Variants in CCSER1 observed in about 807,000 individuals in gnomAD.
CCSER1 encodes the protein coiled-coil serine rich protein 1, also known as serine-rich coiled-coil domain-containing protein 1.
In CCSER1, 41 loss-of-function variants were observed where a neutral mutation model predicts 82.0. That is an observed-to-expected ratio of 0.50 (90% CI 0.39 to 0.65). The LOEUF (loss-of-function observed/expected upper bound fraction) is 0.65, where lower values mean the gene tolerates loss of function less well. CCSER1 is among the 30% of genes least tolerant of loss of function. CCSER1 has a pLI of 0.00. For synonymous variants in CCSER1, 414 were observed against 383.9 expected, an observed-to-expected ratio of 1.08 and a Z score of -0.92; for missense variants, 1,119 against 1,064.2, an observed-to-expected ratio of 1.05 and a Z score of -0.72.
At chr4:91,523,134 T>A (rs987030522) in intron 10 of CCSER1, among the ~76,000 whole-genome samples, 1 of 151,588 alleles carries the variant, frequency 6.6e-6, no homozygotes, top group Non-Finnish European at 1.5e-5. Flanking sequence ...GAGATAATAA[T>A]GTGGTTTTGT....
chr4:90,724,763 A>G (rs1743327051), intron 7 of CCSER1: 2 of 291,880 alleles, frequency 6.9e-6, no homozygotes, highest in South Asian at 6.2e-5. Flanking sequence ...AGACGTGCAC[A>G]TTTTAAGATT....
At chr4:91,212,606 C>A (rs1163915301) in intron 10 of CCSER1, among the ~76,000 whole-genome samples, 1 of 152,030 alleles carries the variant, frequency 6.6e-6, no homozygotes, top group Non-Finnish European at 1.5e-5. Context: ...CATTCCAGTT[C>A]TAACTTCTAA....
chr4:90,634,537 G>C (rs1434587244), intron 6 of CCSER1, among the ~76,000 whole-genome samples: 3 of 151,556 alleles, frequency 2.0e-5, no homozygotes, highest in Non-Finnish European at 3.0e-5. Context: ...TTTTTAAAGA[G>C]TTTATTTTTA....
intron 10 of CCSER1, among the ~76,000 whole-genome samples, chr4:91,436,314 C>T (rs1305776231): frequency 6.6e-6 from 1 of 152,152 alleles, no homozygotes; most frequent in Admixed American, 6.5e-5. Context: ...CAGAGTACTA[C>T]ATGGCATATA....
chr4:91,123,045 G>A (rs1727223422), intron 10 of CCSER1, among the ~76,000 whole-genome samples: 1 of 151,664 alleles, frequency 6.6e-6, no homozygotes, highest in Admixed American at 6.6e-5. Context: ...GGAACAGTGG[G>A]ATAAAAATAG....
At chr4:90,480,965 G>A (rs955097663) in intron 5 of CCSER1, among the ~76,000 whole-genome samples, 1 of 152,110 alleles carries the variant, frequency 6.6e-6, no homozygotes, top group South Asian at 2.1e-4. Flanking sequence ...AAATTAGTTT[G>A]GGCAGTATGG....
At chr4:90,636,297 A>T (rs1725403930) in intron 6 of CCSER1, among the ~76,000 whole-genome samples, 1 of 151,974 alleles carries the variant, frequency 6.6e-6, no homozygotes, top group Non-Finnish European at 1.5e-5. Context: ...GTATTTTATT[A>T]TTTAAAAAAG....
intron 1 of CCSER1, among the ~76,000 whole-genome samples, chr4:90,288,991 G>A (rs1469099114): frequency 6.6e-6 from 1 of 151,844 alleles, no homozygotes; most frequent in Admixed American, 6.6e-5. Flanking sequence ...GTTTCCTAGA[G>A]GCAATATTCT....
chr4:90,974,024 G>A (rs1221183918), intron 9 of CCSER1, among the ~76,000 whole-genome samples: 1 of 151,520 alleles, frequency 6.6e-6, no homozygotes. Context: ...TCTCATAAAA[G>A]CAGAAAGTAG....
intron 10 of CCSER1, among the ~76,000 whole-genome samples, chr4:91,454,255 C>G (rs1756022377): frequency 6.6e-6 from 1 of 152,050 alleles, no homozygotes; most frequent in Non-Finnish European, 1.5e-5. Flanking sequence ...GACTGCAGGG[C>G]TGGTCGCCCT....
At position 90,388,657 on chromosome 4, in the gene CCSER1, C is replaced by T. The variant is rs1470276124; in HGVS notation, c.1510-11379C>T. Among the ~76,000 whole-genome samples the T allele has an allele frequency of 5.6e-5, 8 of 142,566 alleles. No individual in the cohort carries two copies. In the South Asian group the frequency reaches 1.1e-3, roughly 20 times the overall value. 93.5% of individuals were successfully genotyped at this position (142,566 alleles called of 152,430 possible). A position where few individuals can be genotyped will look rare whatever the true frequency, so the allele number is the denominator to read the frequency against. On this transcript the variant is annotated intron_variant, in intron 3 of 10. Coordinates refer to ENST00000509176, the MANE Select transcript of CCSER1 (RefSeq NM_001145065.2). ...ATTATGATAATTTTTTTTTTTGAGA[C>T]GAAGTCTCATTCTTGTCACCCAGGC... is the stretch of plus-strand genomic sequence containing the variant.
chr4:90,591,995 G>A (rs1472376807), intron 5 of CCSER1, among the ~76,000 whole-genome samples: 1 of 152,030 alleles, frequency 6.6e-6, no homozygotes, highest in Non-Finnish European at 1.5e-5. Context: ...GAGAACACAT[G>A]GGCACAGGGA....
chr4:91,094,011 T>C (rs1724242150), intron 10 of CCSER1, among the ~76,000 whole-genome samples: 1 of 152,344 alleles, frequency 6.6e-6, no homozygotes, highest in South Asian at 2.1e-4. Flanking sequence ...TTCCGAATAG[T>C]GAATCCCAGG....
intron 1 of CCSER1, among the ~76,000 whole-genome samples, chr4:90,180,121 TA>T (rs1160516484): frequency 8.9e-4 from 26 of 29,362 alleles, no homozygotes; most frequent in Admixed American, 3.6e-3. Flanking sequence ...CTTATGTAGT[TA>T]TATATATATA....
chr4:91,089,870 CAG>C (rs1217548611), intron 10 of CCSER1, among the ~76,000 whole-genome samples: 2 of 152,100 alleles, frequency 1.3e-5, no homozygotes, highest in African/African-American at 2.4e-5. Context: ...TATGTGGAAA[CAG>C]AAATTAGTAA....
At chr4:90,699,072 GCC>G (rs1737527245) in intron 6 of CCSER1, among the ~76,000 whole-genome samples, 2 of 152,086 alleles carry the variant, frequency 1.3e-5, no homozygotes, top group African/African-American at 4.8e-5. Context: ...CTGCACTCCA[GCC>G]GGGGCGAAAG....
intron 3 of CCSER1, among the ~76,000 whole-genome samples, chr4:90,336,681 T>G (rs566519164): frequency 6.6e-6 from 1 of 152,170 alleles, no homozygotes; most frequent in African/African-American, 2.4e-5. Context: ...AGGTATTGCA[T>G]AGGGAGTTTA....
chr4:90,919,826 C>G (rs76468223), intron 8 of CCSER1, among the ~76,000 whole-genome samples: 6,367 of 151,896 alleles, frequency 0.042, 348 homozygotes, highest in African/African-American at 0.13. Flanking sequence ...CAAAATCTGT[C>G]ACTTTCATCT....
intron 10 of CCSER1, among the ~76,000 whole-genome samples, chr4:91,146,861 G>A (rs937197616): frequency 6.6e-6 from 1 of 152,050 alleles, no homozygotes; most frequent in South Asian, 2.1e-4. Flanking sequence ...TCTTAGCTGC[G>A]TGCCTGTTTT....
Sources: allele counts gnomAD v4.1 joint callset (sites outside exome capture counted in the v4.1 genomes callset), GRCh38; gene constraint gnomAD v4.1.1; transcripts MANE v1.5; gene names NCBI Gene and HGNC (gene_info 2026-07-23, HGNC 2026-07-21).